The following CFAP299 variants were observed in gnomAD, a reference collection of about 807,000 sequenced individuals.
CFAP299 encodes cilia and flagella associated protein 299, also known as cilia- and flagella-associated protein 299.
In CFAP299, 21 loss-of-function variants were observed where a neutral mutation model predicts 27.0. The observed-to-expected ratio is 0.78, with a 90% CI of 0.55 to 1.12. CFAP299 has a LOEUF of 1.12. Ranked by LOEUF, CFAP299 falls within the 50% of genes most tolerant of loss-of-function variation. The pLI is 0.00. For synonymous variants in CFAP299, 104 were observed against 98.1 expected (o/e 1.06, Z -0.36); for missense variants, 310 against 276.6 (o/e 1.12, Z -0.86).
intron 3 of CFAP299, among the ~76,000 whole-genome samples, chr4:80,694,749 G>A (rs1176079289): frequency 1.3e-5 from 2 of 152,116 alleles, no homozygotes; most frequent in East Asian, 3.8e-4. Flanking sequence ...TTCTTAGGAT[G>A]TTTCAAATTA....
At chr4:80,766,397 T>A (rs1339948784) in intron 3 of CFAP299, among the ~76,000 whole-genome samples, 1 of 152,186 alleles carries the variant, frequency 6.6e-6, no homozygotes, top group Non-Finnish European at 1.5e-5. Context: ...TTATCGTGTG[T>A]TTAAGATAAT....
intron 3 of CFAP299, among the ~76,000 whole-genome samples, chr4:80,821,130 A>G (rs781387433): frequency 2.0e-5 from 3 of 152,194 alleles, no homozygotes; most frequent in Non-Finnish European, 4.4e-5. Context: ...TGATCCCTTC[A>G]GTAGAAATTG....
intron 4 of CFAP299, among the ~76,000 whole-genome samples, chr4:80,879,531 T>G (rs1288125148): frequency 1.3e-5 from 2 of 152,240 alleles, no homozygotes; most frequent in East Asian, 3.8e-4. Context: ...GACAGTATAA[T>G]GTTAACTTGT....
At chr4:80,779,769 T>C (rs1380448231) in intron 3 of CFAP299, among the ~76,000 whole-genome samples, 1 of 152,036 alleles carries the variant, frequency 6.6e-6, no homozygotes, top group Non-Finnish European at 1.5e-5. Flanking sequence ...CACTGTTGTG[T>C]CTTCTCAATC....
chr4:80,515,205 C>G (rs1732519845), intron 2 of CFAP299, among the ~76,000 whole-genome samples: 1 of 152,100 alleles, frequency 6.6e-6, no homozygotes, highest in Admixed American at 6.6e-5. Flanking sequence ...AACAAGATTT[C>G]TGGAATTATG....
intron 3 of CFAP299, among the ~76,000 whole-genome samples, chr4:80,651,664 C>T (rs577140396): frequency 6.9e-4 from 104 of 149,870 alleles, no homozygotes; most frequent in African/African-American, 1.3e-3. Flanking sequence ...CGTGCCCGGG[C>T]GAATCTCACT....
chr4:80,704,637 G>T (rs1461503113), intron 3 of CFAP299, among the ~76,000 whole-genome samples: 5 of 151,800 alleles, frequency 3.3e-5, no homozygotes, highest in Middle Eastern at 6.8e-3. Flanking sequence ...ATTGGCAAAA[G>T]ATCAAACATT....
chr4:80,347,347 G>T (rs1722784166), intron 1 of CFAP299, among the ~76,000 whole-genome samples: 1 of 151,936 alleles, frequency 6.6e-6, no homozygotes, highest in African/African-American at 2.4e-5. Flanking sequence ...TCCGTGTCTT[G>T]TGCTGATTTT....
chr4:80,342,979 ATACT>A (rs1191010654), intron 1 of CFAP299, among the ~76,000 whole-genome samples: 1 of 152,226 alleles, frequency 6.6e-6, no homozygotes, highest in Non-Finnish European at 1.5e-5. Flanking sequence ...GGATGGAGAA[ATACT>A]TACCAAGAAA....
chr4:80,775,299 T>TCA (rs1295487419), intron 3 of CFAP299, among the ~76,000 whole-genome samples: 1 of 151,996 alleles, frequency 6.6e-6, no homozygotes. Flanking sequence ...TCGCAATATC[T>TCA]CAGCATGGTG....
At chr4:80,738,253 T>C (rs1021457896) in intron 3 of CFAP299, among the ~76,000 whole-genome samples, 1 of 152,170 alleles carries the variant, frequency 6.6e-6, no homozygotes, top group Non-Finnish European at 1.5e-5. Context: ...ATTTGTTCTA[T>C]AGTAAAGATA....
intron 4 of CFAP299, among the ~76,000 whole-genome samples, chr4:80,904,294 G>C (rs145562921): frequency 1.2e-3 from 182 of 152,210 alleles, no homozygotes; most frequent in African/African-American, 4.0e-3. Flanking sequence ...AATAAGATTG[G>C]GAATAGTTTC....
intron 4 of CFAP299, among the ~76,000 whole-genome samples, chr4:80,942,815 TG>T (rs1337789093): frequency 1.3e-5 from 2 of 152,206 alleles, no homozygotes; most frequent in African/African-American, 4.8e-5. Context: ...TATGTACAGT[TG>T]AAAATCACAC....
chr4:80,607,013 A>G (rs929088554), intron 3 of CFAP299, among the ~76,000 whole-genome samples: 1 of 152,142 alleles, frequency 6.6e-6, no homozygotes, highest in African/African-American at 2.4e-5. Context: ...GAAGGAAGGG[A>G]GAGAGGAAGG....
intron 2 of CFAP299, among the ~76,000 whole-genome samples, chr4:80,425,461 G>A (rs1727488990): frequency 1.3e-5 from 2 of 152,186 alleles, no homozygotes; most frequent in African/African-American, 4.8e-5. Context: ...TAGCTTTGGG[G>A]ATACCTTTGT....
intron 2 of CFAP299, among the ~76,000 whole-genome samples, chr4:80,429,704 A>T (rs1260879619): frequency 6.6e-6 from 1 of 152,194 alleles, no homozygotes; most frequent in Non-Finnish European, 1.5e-5. Context: ...ACTATGTAAT[A>T]GTTATTCAGC....
chr4:80,448,708 A>T (rs1410715449), intron 2 of CFAP299, among the ~76,000 whole-genome samples: 2 of 2,560 alleles, frequency 7.8e-4, no homozygotes, highest in Non-Finnish European at 0.037. Flanking sequence ...GAACATAATA[A>T]AAAAAAAACC....
At chr4:80,599,010 C>G (rs1737195933) in intron 3 of CFAP299, among the ~76,000 whole-genome samples, 1 of 152,192 alleles carries the variant, frequency 6.6e-6, no homozygotes, top group African/African-American at 2.4e-5. Context: ...AAATGTCATA[C>G]TTTGGCCTCT....
chr4:80,607,082 T>C (rs1737716687), intron 3 of CFAP299, among the ~76,000 whole-genome samples: 1 of 152,134 alleles, frequency 6.6e-6, no homozygotes, highest in Non-Finnish European at 1.5e-5. Context: ...CTTACATGAG[T>C]GAAAGAGGAC....
Sources: gnomAD v4.1 joint callset for allele counts (sites outside exome capture counted in the v4.1 genomes callset) on GRCh38, gnomAD v4.1.1 for gene constraint, MANE v1.5 for transcripts, NCBI Gene and HGNC (gene_info 2026-07-23, HGNC 2026-07-21) for gene names.